Variants in MYRIP observed in about 807,000 individuals in gnomAD.
The protein encoded by MYRIP is myosin VIIA and Rab interacting protein.
In MYRIP, 49 loss-of-function variants were observed where a neutral mutation model predicts 98.0. The observed-to-expected ratio is 0.50, with a 90% CI of 0.40 to 0.63. The LOEUF is 0.63. Ranked by LOEUF, MYRIP falls within the 30% of genes least tolerant of loss-of-function variation. The probability of loss-of-function intolerance (pLI) is 0.00; values close to 1 mark genes in which losing one functional copy is unlikely to be tolerated. For missense variants in MYRIP, 1,004 were observed against 1,058.2 expected (o/e 0.95, Z 0.71); for synonymous variants, 404 against 409.5 (o/e 0.99, Z 0.16).
intron 8 of MYRIP, chr3:40,173,920 T>A (rs1218829972): frequency 6.6e-6 from 1 of 152,052 alleles, no homozygotes; most frequent in Non-Finnish European, 1.5e-5. Context: ...AAGCATTTCT[T>A]TGTTTTTTTG....
chr3:39,922,303 T>G (rs1276587630), intron 2 of MYRIP, among the ~76,000 whole-genome samples: 1 of 152,200 alleles, frequency 6.6e-6, no homozygotes, highest in African/African-American at 2.4e-5. Flanking sequence ...ACATGATAAC[T>G]GCTCTACTCC....
chr3:40,089,569 T>C (rs558297396), intron 3 of MYRIP, among the ~76,000 whole-genome samples: 1 of 152,284 alleles, frequency 6.6e-6, no homozygotes, highest in South Asian at 2.1e-4. Context: ...GCTAGAAGTG[T>C]TTATTGGATT....
At chr3:39,970,020 G>A (rs533129916) in intron 2 of MYRIP, 1 of 152,076 alleles carries the variant, frequency 6.6e-6, no homozygotes, top group Non-Finnish European at 1.5e-5. Flanking sequence ...TCTGTTCAGG[G>A]AATCAGTTTC....
chr3:39,888,135 A>G (rs1475191342), intron 1 of MYRIP, among the ~76,000 whole-genome samples: 2 of 152,148 alleles, frequency 1.3e-5, no homozygotes, highest in African/African-American at 4.8e-5. Flanking sequence ...TGCCATCCCC[A>G]TCAAGCTACC....
intron 3 of MYRIP, among the ~76,000 whole-genome samples, chr3:40,108,054 G>A (rs1949083868): frequency 6.6e-6 from 1 of 152,198 alleles, no homozygotes; most frequent in African/African-American, 2.4e-5. Context: ...ACCTTTGTGT[G>A]GTGATCCAAG....
chr3:40,000,018 G>A (rs371796940), intron 2 of MYRIP, among the ~76,000 whole-genome samples: 133 of 130,382 alleles, frequency 1.0e-3, no homozygotes, highest in African/African-American at 3.5e-3. Context: ...ACACACCAGG[G>A]CCTGTTGTGG....
intron 2 of MYRIP, among the ~76,000 whole-genome samples, chr3:39,979,655 C>CAAAAAAAAAA (rs56328162): frequency 7.6e-5 from 10 of 131,114 alleles, no homozygotes; most frequent in Admixed American, 1.5e-4. Flanking sequence ...CAAAACAAAA[C>CAAAAAAAAAA]AAAAAAAAAA....
intron 11 of MYRIP, among the ~76,000 whole-genome samples, chr3:40,227,979 G>A (rs1251681373): frequency 6.6e-6 from 1 of 152,252 alleles, no homozygotes; most frequent in Non-Finnish European, 1.5e-5. Context: ...TTATGGGCCT[G>A]TATGTGCAAA....
intron 10 of MYRIP, among the ~76,000 whole-genome samples, chr3:40,204,517 G>A (rs188861308): frequency 8.6e-5 from 13 of 151,870 alleles, no homozygotes; most frequent in African/African-American, 2.9e-4. Context: ...AAGAGGCAAC[G>A]TTTTGTTCCT....
At chr3:40,175,897 C>T (rs1472363779) in intron 8 of MYRIP, among the ~76,000 whole-genome samples, 1 of 152,230 alleles carries the variant, frequency 6.6e-6, no homozygotes, top group African/African-American at 2.4e-5. Flanking sequence ...CTGGGAACCC[C>T]CATTCATATG....
chr3:39,971,740 C>G (rs997788055), intron 2 of MYRIP, among the ~76,000 whole-genome samples: 2 of 152,048 alleles, frequency 1.3e-5, no homozygotes, highest in African/African-American at 2.4e-5. Context: ...ATGCTCTAAT[C>G]TTTAGATGAT....
At chr3:40,169,777 C>T (rs1950571825) in intron 7 of MYRIP, among the ~76,000 whole-genome samples, 173 bp from the exon 8 acceptor site, 1 of 152,190 alleles carries the variant, frequency 6.6e-6, no homozygotes, top group Admixed American at 6.5e-5. Flanking sequence ...TTAGAATGCT[C>T]AAGGCTATAA....
chr3:39,927,079 GT>G (rs1358598070), intron 2 of MYRIP, among the ~76,000 whole-genome samples: 1 of 151,888 alleles, frequency 6.6e-6, no homozygotes, highest in Non-Finnish European at 1.5e-5. Flanking sequence ...GTGTGTTTGT[GT>G]GTGTCTATTG....
intron 1 of MYRIP, among the ~76,000 whole-genome samples, chr3:39,875,602 A>G (rs1402276934): frequency 6.6e-6 from 1 of 151,370 alleles, no homozygotes. Flanking sequence ...TTATGTACCC[A>G]GTAGTCATTC....
Position 40,120,088 on chromosome 3 carries a change from A to G in MYRIP, c.333-30960A>G, listed in dbSNP as rs562213999. ...GCTCAATGGCAGGCTTGTCATAGGC[A>G]TTCAGCAAGTGGCAGATCTTATTAA... On this transcript the variant is annotated intron_variant, in intron 3 of 16. Coordinates refer to ENST00000302541, the MANE Select transcript of MYRIP (RefSeq NM_015460.4). Among the ~76,000 whole-genome samples the G allele has an allele frequency of 3.8e-3, 577 of 152,330 alleles. 1 individual carries two copies. Among genetic ancestry groups the G allele is most frequent in the Non-Finnish European group, 5.4e-3 (365 of 68,014 alleles).
At chr3:40,080,556 C>T (rs1294803571) in intron 3 of MYRIP, among the ~76,000 whole-genome samples, 1 of 151,928 alleles carries the variant, frequency 6.6e-6, no homozygotes, top group Non-Finnish European at 1.5e-5. Flanking sequence ...TAGTAAGGAA[C>T]AGGTTCTAGG....
chr3:39,981,486 G>C (rs1945894218), intron 2 of MYRIP, among the ~76,000 whole-genome samples: 1 of 151,818 alleles, frequency 6.6e-6, no homozygotes, highest in African/African-American at 2.4e-5. Context: ...TAGCATTTTG[G>C]TTTCCATTAT....
intron 4 of MYRIP, among the ~76,000 whole-genome samples, chr3:40,157,793 G>C (rs1423710580): frequency 6.7e-6 from 1 of 148,630 alleles, no homozygotes; most frequent in African/African-American, 2.5e-5. Context: ...AGAGGTGTTT[G>C]TAGTATTCTC....
chr3:40,204,589 A>G (rs2125656914), intron 10 of MYRIP, among the ~76,000 whole-genome samples: 1 of 152,180 alleles, frequency 6.6e-6, no homozygotes, highest in East Asian at 1.9e-4. Flanking sequence ...AATGTAAATC[A>G]ACCGATTCAA....
Sources: allele counts gnomAD v4.1 joint callset (sites outside exome capture counted in the v4.1 genomes callset), GRCh38; gene constraint gnomAD v4.1.1; transcripts MANE v1.5; gene names NCBI Gene and HGNC (gene_info 2026-07-23, HGNC 2026-07-21).